TPBGL: variants seen among roughly 807,000 people sequenced by gnomAD.
TPBGL encodes the protein trophoblast glycoprotein like.
For missense variants in TPBGL, 685 were observed against 609.4 expected (o/e 1.12, Z -1.31); for synonymous variants, 380 against 314.8 (o/e 1.21, Z -2.19).
Position 75,241,686 on chromosome 11 carries a change from G to C in TPBGL, c.637G>C (p.Asp213His). Residue 213 changes from aspartate to histidine, a missense_variant, in exon 1 of 1, where the codon GAC (aspartate) becomes CAC (histidine). Physicochemically the swap from Asp to His is moderately conservative, Grantham distance 81. Coordinates refer to ENST00000562197, the MANE Select transcript of TPBGL (RefSeq NM_001195528.2). ...RLNALAGLDPDELRALERDGG... is the reference protein window; with the variant it reads ...RLNALAGLDPHELRALERDGG... ...CAACGCGCTGGCCGGCCTGGACCCCGACGAGCTGCGCGCGCTGGAGCGCGA... is the reference window on the plus strand; with the variant it reads ...CAACGCGCTGGCCGGCCTGGACCCCCACGAGCTGCGCGCGCTGGAGCGCGA... 3 of 1,277,152 alleles carry C rather than the reference G, an allele frequency of 2.3e-6. No individual in the cohort carries two copies. Among genetic ancestry groups the C allele is most frequent in the Non-Finnish European group, 3.0e-6 (3 of 1,009,624 alleles). 79.1% of individuals were successfully genotyped at this position (1,277,152 alleles called of 1,614,324 possible).
Position 75,241,406 on chromosome 11 carries a change from C to T in TPBGL, c.357C>T (p.Ser119=). 7.3e-7 allele frequency: 1 copy of T among 1,361,216 alleles called. No individual in the cohort carries two copies. The highest frequency in any genetic ancestry group is 9.5e-7 in the Non-Finnish European group (1 of 1,057,712). The allele number at this position is 1,361,216 out of a possible 1,614,324, so 84.3% of individuals were successfully genotyped here. Residue 119 remains serine, a synonymous_variant, in exon 1 of 1, where the codon AGC becomes AGT. Coordinates refer to ENST00000562197, the MANE Select transcript of TPBGL (RefSeq NM_001195528.2). ...ACGGCGCCTTCGACGGGCTGCCCAG[C>T]CTGGCGGCGCTCGACCTCAGCCACA... ...VEDGAFDGLP[S]LAALDLSHNP...
Position 75,241,153 on chromosome 11 carries a change from G to A in TPBGL, c.104G>A (p.Gly35Asp). 6.9e-7 allele frequency: 1 copy of A among 1,449,928 alleles called. No homozygotes were observed. The allele number at this position is 1,449,928 out of a possible 1,614,324, so 89.8% of individuals were successfully genotyped here. The part of the protein sequence containing the change: ...APCPFQCYCF[G>D]GPKLLLRCAS... ...TGCCCCTTCCAGTGCTACTGCTTCG[G>A]CGGCCCCAAGCTGCTGCTGCGCTGC... is the stretch of plus-strand genomic sequence containing the variant. Residue 35 changes from glycine to aspartate, a missense_variant, in exon 1 of 1, where the codon GGC becomes GAC. Coordinates refer to ENST00000562197, the MANE Select transcript of TPBGL (RefSeq NM_001195528.2).
Position 75,241,001 on chromosome 11 carries a change from CTCACTGGTGAGCGCGGCG to C in TPBGL, c.-48_-31del. ...CGTGCCCCCCACCAGGCGCTCCCAA[CTCACTGGTGAGCGCGGCG>C]GCCCGGGCGCTGGATGCGGGGGCGG... On this transcript the variant is annotated 5_prime_UTR_variant, in exon 1 of 1. Coordinates refer to ENST00000562197, the MANE Select transcript of TPBGL (RefSeq NM_001195528.2). 1 of 1,190,406 alleles carries C rather than the reference CTCACTGGTGAGCGCGGCG, an allele frequency of 8.4e-7. No homozygotes were observed. Among genetic ancestry groups the C allele is most frequent in the Non-Finnish European group, 1.0e-6 (1 of 959,780 alleles). The allele number at this position is 1,190,406 out of a possible 1,614,324, so 73.7% of individuals were successfully genotyped here. A position where few individuals can be genotyped will look rare whatever the true frequency, so the allele number is the denominator to read the frequency against.
At position 75,240,912 on chromosome 11, in the gene TPBGL, T is replaced by C. The variant is rs1318733525; in HGVS notation, c.-138T>C. ...AGCCAGTAAGTGCGGCTCCTCAGAC[T>C]TTCGAGACAGCGAACGGACCGACCG... is the stretch of plus-strand genomic sequence containing the variant. On this transcript the variant is annotated 5_prime_UTR_variant, in exon 1 of 1. Transcript: ENST00000562197. The C allele has an allele frequency of 3.7e-6, 2 of 546,098 alleles. No homozygotes were observed. The highest frequency in any genetic ancestry group is 4.0e-5 in the African/African-American group (2 of 49,984). 33.8% of individuals were successfully genotyped at this position (546,098 alleles called of 1,614,324 possible).
rs1320163969 is a variant in TPBGL, at chr11:75,241,351, T to C, written c.302T>C (p.Leu101Pro). 1.1e-5 allele frequency: 15 copies of C among 1,366,078 alleles called. No homozygotes were observed. Among genetic ancestry groups the C allele is most frequent in the Non-Finnish European group, 1.2e-5 (13 of 1,063,976 alleles). 84.6% of individuals were successfully genotyped at this position (1,366,078 alleles called of 1,614,324 possible). A position where few individuals can be genotyped will look rare whatever the true frequency, so the allele number is the denominator to read the frequency against. The part of the protein sequence containing the change: ...VRLPLLSALR[L>P]THNHIEVVED... Reference sequence around the variant, plus strand: ...CTGCCGCTCCTGAGCGCGCTGCGCCTCACGCACAACCACATCGAGGTGGTG... The same window carrying C: ...CTGCCGCTCCTGAGCGCGCTGCGCCCCACGCACAACCACATCGAGGTGGTG... The change falls in exon 1 of 1, where the codon CTC (leucine) becomes CCC (proline). Residue 101 changes from leucine (L) to proline (P), a missense_variant. Transcript: ENST00000562197.
Position 75,241,933 on chromosome 11 carries a change from A to T in TPBGL, c.884A>T (p.Glu295Val), listed in dbSNP as rs752419080. ...CADSGADARG[E>V]EAEAAGPELE... ...GACAGCGGCGCCGACGCTCGCGGAG[A>T]GGAGGCGGAGGCCGCCGGCCCGGAG... The change falls in exon 1 of 1, where the codon GAG becomes GTG. Residue 295 changes from glutamate (E) to valine (V), a missense_variant. Transcript: ENST00000562197. 1.4e-3 allele frequency: 2,141 copies of T among 1,483,226 alleles called. 37 individuals are homozygous for T. The East Asian group carries it at 0.04, about 28-fold the overall frequency. The allele number at this position is 1,483,226 out of a possible 1,614,324, so 91.9% of individuals were successfully genotyped here. A position where few individuals can be genotyped will look rare whatever the true frequency, so the allele number is the denominator to read the frequency against.
In TPBGL at chr11:75,241,107, C is replaced by A; in HGVS notation, c.58C>A (p.Leu20Met). 7.2e-7 allele frequency: 1 copy of A among 1,388,506 alleles called. No homozygotes were observed. The highest frequency in any genetic ancestry group is 9.4e-7 in the Non-Finnish European group (1 of 1,068,136). 86.0% of individuals were successfully genotyped at this position (1,388,506 alleles called of 1,614,324 possible). A position where few individuals can be genotyped will look rare whatever the true frequency, so the allele number is the denominator to read the frequency against. ...LQGLLLVAAALSQPAAPCPFQ... is the reference protein window; with the variant it reads ...LQGLLLVAAAMSQPAAPCPFQ... ...GGGGCTGCTGCTCGTGGCGGCGGCG[C>A]TGAGCCAGCCCGCGGCACCCTGCCC... Residue 20 changes from leucine to methionine, a missense_variant, in exon 1 of 1, where the codon CTG becomes ATG. Transcript: ENST00000562197.
Position 75,241,949 on chromosome 11 carries a change from C to T in TPBGL, c.900C>T (p.Ala300=). 1 of 1,489,754 alleles carries T rather than the reference C, an allele frequency of 6.7e-7. No individual in the cohort carries two copies. The highest frequency in any genetic ancestry group is 8.9e-7 in the Non-Finnish European group (1 of 1,122,642). 92.3% of individuals were successfully genotyped at this position (1,489,754 alleles called of 1,614,324 possible). The change falls in exon 1 of 1, where the codon GCC becomes GCT. Residue 300 remains alanine (A), a synonymous_variant. Coordinates refer to ENST00000562197, the MANE Select transcript of TPBGL (RefSeq NM_001195528.2). The stretch of plus-strand genomic sequence containing the variant: ...CTCGCGGAGAGGAGGCGGAGGCCGC[C>T]GGCCCGGAGCTGGAAGCCTCCTACG... ...ADARGEEAEA[A]GPELEASYVF...
At position 75,241,979 on chromosome 11, in the gene TPBGL, C is replaced by A; in HGVS notation, c.930C>A (p.Phe310Leu). 6.7e-7 allele frequency: 1 copy of A among 1,500,826 alleles called. No individual in the cohort carries two copies. Among genetic ancestry groups the A allele is most frequent in the Non-Finnish European group, 8.9e-7 (1 of 1,128,150 alleles). The allele number at this position is 1,500,826 out of a possible 1,614,324, so 93.0% of individuals were successfully genotyped here. Residue 310 changes from phenylalanine (F) to leucine (L), a missense_variant, in exon 1 of 1, where the codon TTC becomes TTA. Transcript: ENST00000562197. ...AGPELEASYVFFGLVLALIGL... is the reference protein window; with the variant it reads ...AGPELEASYVLFGLVLALIGL... ...CGGAGCTGGAAGCCTCCTACGTGTT[C>A]TTCGGGCTGGTGCTGGCACTCATCG...
rs1945592265 is a variant in TPBGL, at chr11:75,240,855, C to T, written c.-195C>T. ...GGCACCGGGGGCGGGGGGCTCCGCT[C>T]CCCGTCTGACCCCTCTTGCCCCCGG... On this transcript the variant is annotated 5_prime_UTR_variant, in exon 1 of 1. Transcript: ENST00000562197. 3.0e-6 allele frequency: 1 copy of T among 332,642 alleles called. No homozygotes were observed. Among genetic ancestry groups the T allele is most frequent in the Admixed American group, 5.0e-5 (1 of 19,856 alleles). 20.6% of individuals were successfully genotyped at this position (332,642 alleles called of 1,614,324 possible). A position where few individuals can be genotyped will look rare whatever the true frequency, so the allele number is the denominator to read the frequency against.
Position 75,241,267 on chromosome 11 carries a change from TGC to T in TPBGL, c.224_225del (p.Ala75GlyfsTer339). Reference sequence around the variant, plus strand: ...ATCGTAGGCGCCAACCTGACGGTGCTGCGCGCGGCCGCCTTCGCCGGCGGGGA... The same window carrying T: ...ATCGTAGGCGCCAACCTGACGGTGCTGCGCGGCCGCCTTCGCCGGCGGGGA... On this transcript the variant is annotated frameshift_variant, in exon 1 of 1. Transcript: ENST00000562197. LOFTEE classifies it low-confidence loss of function (END_TRUNC). 7.3e-7 allele frequency: 1 copy of T among 1,361,648 alleles called. No individual in the cohort carries two copies. The highest frequency in any genetic ancestry group is 9.4e-7 in the Non-Finnish European group (1 of 1,063,300). 84.3% of individuals were successfully genotyped at this position (1,361,648 alleles called of 1,614,324 possible).
rs1275049199 is a variant in TPBGL at position 75,242,127 on chromosome 11, GACCCGCGCCGCGC to G, written c.1079_1091del (p.Asp360GlyfsTer46). 19 of 1,244,810 alleles carry G rather than the reference GACCCGCGCCGCGC, an allele frequency of 1.5e-5. No individual in the cohort carries two copies. The highest frequency in any genetic ancestry group is 1.7e-5 in the Non-Finnish European group (17 of 994,936). 77.1% of individuals were successfully genotyped at this position (1,244,810 alleles called of 1,614,324 possible). Reference sequence around the variant, plus strand: ...CCACTACCGCTACGAGCAGGACGCCGACCCGCGCCGCGCGCCCGCGCCCGCCGCGCCCGCGGGC... The same window carrying G: ...CCACTACCGCTACGAGCAGGACGCCGGCCCGCGCCCGCCGCGCCCGCGGGC... On this transcript the variant is annotated frameshift_variant, in exon 1 of 1. Transcript: ENST00000562197. LOFTEE classifies it high-confidence loss of function.
At position 75,241,201 on chromosome 11, in the gene TPBGL, A is replaced by G; in HGVS notation, c.152A>G (p.Gln51Arg). 6.9e-7 allele frequency: 1 copy of G among 1,448,876 alleles called. No homozygotes were observed. Among genetic ancestry groups the G allele is most frequent in the Non-Finnish European group, 9.1e-7 (1 of 1,103,426 alleles). 89.8% of individuals were successfully genotyped at this position (1,448,876 alleles called of 1,614,324 possible). The change falls in exon 1 of 1, where the codon CAG becomes CGG. Residue 51 changes from glutamine to arginine, a missense_variant. Physicochemically the swap from Gln to Arg is conservative, Grantham distance 43. Transcript: ENST00000562197. ...LRCASGAELR[Q>R]PPRDVPPDAR... ...TGCGCGTCGGGAGCCGAGCTCCGCCAGCCTCCGCGGGACGTGCCGCCCGAC... is the reference window on the plus strand; with the variant it reads ...TGCGCGTCGGGAGCCGAGCTCCGCCGGCCTCCGCGGGACGTGCCGCCCGAC...
At position 75,241,101 on chromosome 11, in the gene TPBGL, G is replaced by A; in HGVS notation, c.52G>A (p.Ala18Thr). 1 of 1,370,312 alleles carries A rather than the reference G, an allele frequency of 7.3e-7. No individual in the cohort carries two copies. The allele number at this position is 1,370,312 out of a possible 1,614,324, so 84.9% of individuals were successfully genotyped here. Reference protein sequence around the residue: ...PGLQGLLLVAAALSQPAAPCP... With the variant: ...PGLQGLLLVATALSQPAAPCP... ...GCTCCAGGGGCTGCTGCTCGTGGCG[G>A]CGGCGCTGAGCCAGCCCGCGGCACC... Residue 18 changes from alanine (A) to threonine (T), a missense_variant, in exon 1 of 1, where the codon GCG becomes ACG. By Grantham distance (58) the Ala-to-Thr change is moderately conservative. Coordinates refer to ENST00000562197, the MANE Select transcript of TPBGL (RefSeq NM_001195528.2).
rs887744946 is a variant in TPBGL, at chr11:75,243,518, A to AC, written c.*1325dup. 4 of 151,296 alleles carry AC rather than the reference A, an allele frequency of 2.6e-5. No individual in the cohort carries two copies. Among genetic ancestry groups the AC allele is most frequent in the Admixed American group, 2.6e-4 (4 of 15,204 alleles). 9.4% of individuals were successfully genotyped at this position (151,296 alleles called of 1,614,324 possible). On this transcript the variant is annotated 3_prime_UTR_variant, in exon 1 of 1. Transcript: ENST00000562197. ...GCACAATTGGTGAGTGGGGGAGAGGACCCCCTCTCCCTGACTCCCCACCCT... is the reference window on the plus strand; with the variant it reads ...GCACAATTGGTGAGTGGGGGAGAGGACCCCCCTCTCCCTGACTCCCCACCCT...
At position 75,243,468 on chromosome 11, in the gene TPBGL, A is replaced by G. The variant is rs1945617256; in HGVS notation, c.*1270A>G. The G allele has an allele frequency of 6.6e-6, 1 of 152,190 alleles. No individual in the cohort carries two copies. Among genetic ancestry groups the G allele is most frequent in the Non-Finnish European group, 1.5e-5 (1 of 68,052 alleles). 9.4% of individuals were successfully genotyped at this position (152,190 alleles called of 1,614,324 possible). On this transcript the variant is annotated 3_prime_UTR_variant, in exon 1 of 1. Transcript: ENST00000562197. The stretch of plus-strand genomic sequence containing the variant: ...CCTGGTTCAGGGTCAGAAGCTCAGC[A>G]CCTTGCCTTCTCCATGATCCCAAAG...
At position 75,241,320 on chromosome 11, in the gene TPBGL, G is replaced by T; in HGVS notation, c.271G>T (p.Val91Leu). 7.4e-7 allele frequency: 1 copy of T among 1,346,060 alleles called. No individual in the cohort carries two copies. Among genetic ancestry groups the T allele is most frequent in the South Asian group, 1.8e-5 (1 of 55,658 alleles). The allele number at this position is 1,346,060 out of a possible 1,614,324, so 83.4% of individuals were successfully genotyped here. ...CGGGGACGGCGACCAGGCGGCGGGC[G>T]TGCGCCTGCCGCTCCTGAGCGCGCT... ...GDGDGDQAAGVRLPLLSALRL... is the reference protein window; with the variant it reads ...GDGDGDQAAGLRLPLLSALRL... The change falls in exon 1 of 1, where the codon GTG becomes TTG. Residue 91 changes from valine (V) to leucine (L), a missense_variant. Val to Leu is a conservative substitution (Grantham distance 32, BLOSUM62 1). Coordinates refer to ENST00000562197, the MANE Select transcript of TPBGL (RefSeq NM_001195528.2).
Position 75,242,363 on chromosome 11 carries a change from C to T in TPBGL, c.*165C>T, listed in dbSNP as rs924915218. ...CCACCGTCAAAGACCCAGAGATAGCCGGTCCGAATCCAGAAACCCCGCCTG... is the reference window on the plus strand; with the variant it reads ...CCACCGTCAAAGACCCAGAGATAGCTGGTCCGAATCCAGAAACCCCGCCTG... On this transcript the variant is annotated 3_prime_UTR_variant, in exon 1 of 1. Transcript: ENST00000562197. 17 of 915,086 alleles carry T rather than the reference C, an allele frequency of 1.9e-5. No homozygotes were observed. The highest frequency in any genetic ancestry group is 5.0e-4 in the Middle Eastern group (1 of 1,984). 56.7% of individuals were successfully genotyped at this position (915,086 alleles called of 1,614,324 possible). A position where few individuals can be genotyped will look rare whatever the true frequency, so the allele number is the denominator to read the frequency against.
Position 75,240,998 on chromosome 11 carries a change from C to T in TPBGL, c.-52C>T. On this transcript the variant is annotated 5_prime_UTR_variant, in exon 1 of 1. Transcript: ENST00000562197. ...ACCCGTGCCCCCCACCAGGCGCTCC[C>T]AACTCACTGGTGAGCGCGGCGGCCC... 3.4e-6 allele frequency: 4 copies of T among 1,188,260 alleles called. No individual in the cohort carries two copies. The highest frequency in any genetic ancestry group is 4.2e-6 in the Non-Finnish European group (4 of 958,200). 73.6% of individuals were successfully genotyped at this position (1,188,260 alleles called of 1,614,324 possible).
Sources: allele counts gnomAD v4.1 joint callset, GRCh38; gene constraint gnomAD v4.1.1; transcripts MANE v1.5; gene names NCBI Gene and HGNC (gene_info 2026-07-23, HGNC 2026-07-21).